The following PCDHGB1 variants were observed in gnomAD, a reference collection of about 807,000 sequenced individuals.
The protein encoded by PCDHGB1 is protocadherin gamma-B1.
A neutral mutation model predicts 56.6 loss-of-function variants in PCDHGB1; 34 were observed. The observed-to-expected ratio is 0.60, with a 90% confidence interval of 0.46 to 0.80. The LOEUF (loss-of-function observed/expected upper bound fraction) is 0.80. Ranked by LOEUF, PCDHGB1 falls within the 30% of genes least tolerant of loss-of-function variation. PCDHGB1 has a pLI of 0.00. For synonymous variants in PCDHGB1, 561 were observed against 505.9 expected (o/e 1.11, Z -1.46); for missense variants, 1,278 against 1,204.6 (o/e 1.06, Z -0.90).
At chr5:141,421,603 G>T (rs1207844782) in intron 1 of PCDHGB1, 4 of 1,613,758 alleles carry the variant, frequency 2.5e-6, no homozygotes, top group Non-Finnish European at 3.4e-6. Context: ...GGAAATAATA[G>T]ATATTAATGA....
Position 141,420,738 on chromosome 5 carries a change from T to C in PCDHGB1, c.2409+68069T>C, listed in dbSNP as rs550966989. 1.5e-4 allele frequency among the ~76,000 whole-genome samples: 23 copies of C among 152,358 alleles called. 1 individual carries two copies. In the South Asian group the frequency reaches 4.6e-3, roughly 30 times the overall value. ...GTTCCTTTCAGTCGGTTAAAATCAA[T>C]TGGAACCAACTACAACCTACAAGTT... On this transcript the variant is annotated intron_variant, in intron 1 of 3. Transcript: ENST00000523390.
chr5:141,494,962 T>G (rs1644946600), intron 2 of PCDHGB1, 97 bp downstream of exon 2: 4 of 1,596,756 alleles, frequency 2.5e-6, no homozygotes, highest in Non-Finnish European at 3.4e-6. Context: ...TTGCTACAGA[T>G]GGCTTCTCCC....
chr5:141,426,104 A>T (rs2096915289), intron 1 of PCDHGB1, among the ~76,000 whole-genome samples: 1 of 152,258 alleles, frequency 6.6e-6, no homozygotes, highest in Non-Finnish European at 1.5e-5. Flanking sequence ...GTTCAGTCAC[A>T]GAAGCAAGTC....
chr5:141,417,892 C>G lies in PCDHGB1; in HGVS notation c.2409+65223C>G, dbSNP rs550343206. On this transcript the variant is annotated intron_variant, in intron 1 of 3. Coordinates refer to ENST00000523390, the MANE Select transcript of PCDHGB1 (RefSeq NM_018922.3). Reference sequence around the variant, plus strand: ...GGAGCTGCGCGCAGAGGCGCCGGGCCGGCCCGCGGCAGGTACTATTTCCTT... The same window carrying G: ...GGAGCTGCGCGCAGAGGCGCCGGGCGGGCCCGCGGCAGGTACTATTTCCTT... 2.2e-4 allele frequency: 348 copies of G among 1,570,774 alleles called. 2 individuals carry two copies. The South Asian group carries it at 3.7e-3, about 17-fold the overall frequency.
Position 141,489,120 on chromosome 5 carries a change from G to T in PCDHGB1, c.2410-5687G>T. On this transcript the variant is annotated intron_variant, in intron 1 of 3. Coordinates refer to ENST00000523390, the MANE Select transcript of PCDHGB1 (RefSeq NM_018922.3). The surrounding 1 kb of genome is among the most constrained non-coding windows in gnomAD (Gnocchi z 4.5). Reference sequence around the variant, plus strand: ...AACTGCTGCAAGCAGGCAAACCTCCGAGCAGTTTTTAAGAGGCTGGAAGGA... The same window carrying T: ...AACTGCTGCAAGCAGGCAAACCTCCTAGCAGTTTTTAAGAGGCTGGAAGGA... 2.2e-6 allele frequency: 1 copy of T among 445,672 alleles called. No individual in the cohort carries two copies. The highest frequency in any genetic ancestry group is 3.8e-6 in the Non-Finnish European group (1 of 264,754). The allele number at this position is 445,672 out of a possible 1,614,324, so 27.6% of individuals were successfully genotyped here.
rs1024041994 is a variant in PCDHGB1 at position 141,409,578 on chromosome 5, T to C, written c.2409+56909T>C. The C allele has an allele frequency of 3.1e-6, 5 of 1,613,824 alleles. No individual in the cohort carries two copies. In the Admixed American group the frequency reaches 6.7e-5, roughly 22 times the overall value. On this transcript the variant is annotated intron_variant, in intron 1 of 3. Coordinates refer to ENST00000523390, the MANE Select transcript of PCDHGB1 (RefSeq NM_018922.3). Reference sequence around the variant, plus strand: ...GTTTTCGACCAGACGTCCTACGTGGTCCACGTGGCCGAGAACAACCCGCCA... The same window carrying C: ...GTTTTCGACCAGACGTCCTACGTGGCCCACGTGGCCGAGAACAACCCGCCA...
intron 1 of PCDHGB1, chr5:141,413,419 A>C: frequency 6.2e-7 from 1 of 1,614,084 alleles, no homozygotes; most frequent in Non-Finnish European, 8.5e-7. Context: ...TTTCTCTCTG[A>C]ACCCGCGCAG....
intron 1 of PCDHGB1, chr5:141,355,859 C>T (rs1369885951): frequency 4.3e-6 from 7 of 1,612,322 alleles, no homozygotes; most frequent in Non-Finnish European, 5.9e-6. Flanking sequence ...GGAGGTGACC[C>T]GGTTCGCTCT....
chr5:141,473,616 G>A (rs1049605139), intron 1 of PCDHGB1, among the ~76,000 whole-genome samples: 5 of 152,118 alleles, frequency 3.3e-5, no homozygotes, highest in African/African-American at 1.2e-4. Flanking sequence ...GCAAAGGGAG[G>A]GAGGAAAAAG....
rs780885153 is a variant in PCDHGB1, at chr5:141,350,542, A to G, written c.282A>G (p.Gly94=). Residue 94 remains glycine, a synonymous_variant, in exon 1 of 4, where the codon GGA becomes GGG. Coordinates refer to ENST00000523390, the MANE Select transcript of PCDHGB1 (RefSeq NM_018922.3). ...NGRIDREKIC[G]RKLECALEFE... is the part of the protein sequence containing the mutation. The stretch of plus-strand genomic sequence containing the variant: ...GGATAGATCGAGAGAAGATTTGCGG[A>G]AGGAAACTTGAGTGTGCACTAGAAT... 1 of 1,614,032 alleles carries G rather than the reference A, an allele frequency of 6.2e-7. No individual in the cohort carries two copies. The highest frequency in any genetic ancestry group is 8.5e-7 in the Non-Finnish European group (1 of 1,179,894).
intron 1 of PCDHGB1, chr5:141,409,037 T>G (rs770619339): frequency 1.2e-6 from 2 of 1,613,992 alleles, no homozygotes; most frequent in South Asian, 2.2e-5. Context: ...TGAGATAAAC[T>G]ACTACTTCCG....
In PCDHGB1 at chr5:141,485,049, G is replaced by C. The variant is rs1271101804; in HGVS notation, c.2410-9758G>C. On this transcript the variant is annotated intron_variant, in intron 1 of 3. Coordinates refer to ENST00000523390, the MANE Select transcript of PCDHGB1 (RefSeq NM_018922.3). The surrounding 1 kb of genome is among the most constrained non-coding windows in gnomAD (Gnocchi z 5.7). ...AACGGCGCGTAACCCTTGCGGCGCC[G>C]GCCGAACCGCGCCAGAGCTGGCGCG... 1 of 780,438 alleles carries C rather than the reference G, an allele frequency of 1.3e-6. No homozygotes were observed. The highest frequency in any genetic ancestry group is 2.1e-6 in the Non-Finnish European group (1 of 469,234). The allele number at this position is 780,438 out of a possible 1,614,324, so 48.3% of individuals were successfully genotyped here. A position where few individuals can be genotyped will look rare whatever the true frequency, so the allele number is the denominator to read the frequency against.
chr5:141,505,267 A>G (rs2099845018), intron 2 of PCDHGB1, 126 bp from the exon 3 acceptor site: 1 of 1,514,640 alleles, frequency 6.6e-7, no homozygotes, highest in Admixed American at 2.0e-5. Flanking sequence ...TACCTTGCTG[A>G]GAGAAACAGG....
At chr5:141,390,634 T>C (rs1003300188) in intron 1 of PCDHGB1, 36 of 236,246 alleles carry the variant, frequency 1.5e-4, no homozygotes, top group African/African-American at 7.4e-4. Context: ...ATATGATGAA[T>C]ACTTTTTTCA....
intron 1 of PCDHGB1, chr5:141,365,015 C>T (rs773470378): frequency 1.2e-6 from 2 of 1,613,786 alleles, no homozygotes; most frequent in Admixed American, 3.3e-5. Context: ...CACGCACATC[C>T]GTGTTACGGT....
intron 1 of PCDHGB1, among the ~76,000 whole-genome samples, chr5:141,443,179 A>G (rs2098370392): frequency 6.6e-6 from 1 of 152,190 alleles, no homozygotes; most frequent in South Asian, 2.1e-4. Flanking sequence ...TGTCCACTGC[A>G]TCATTCTCTA....
intron 1 of PCDHGB1, chr5:141,478,091 A>G: frequency 6.2e-7 from 1 of 1,613,972 alleles, no homozygotes; most frequent in African/African-American, 1.3e-5. Flanking sequence ...GCTCTCCACC[A>G]CTGCTACCCT....
chr5:141,355,361 T>A (rs1759813020), intron 1 of PCDHGB1: 1 of 1,613,902 alleles, frequency 6.2e-7, no homozygotes, highest in African/African-American at 1.3e-5. Context: ...GACCTGGGGT[T>A]GGCGCCCCGG....
intron 1 of PCDHGB1, among the ~76,000 whole-genome samples, chr5:141,457,171 T>C (rs1337137368): frequency 3.3e-5 from 5 of 152,216 alleles, no homozygotes; most frequent in Non-Finnish European, 7.3e-5. Flanking sequence ...GATAACCCTA[T>C]TGCAAATAGT....
Sources: allele counts gnomAD v4.1 joint callset (sites outside exome capture counted in the v4.1 genomes callset), GRCh38; gene constraint gnomAD v4.1.1; non-coding constraint Gnocchi (gnomAD v3.1); transcripts MANE v1.5; gene names NCBI Gene and HGNC (gene_info 2026-07-23, HGNC 2026-07-21).